The following AUTS2 variants were observed in gnomAD, a reference collection of about 807,000 sequenced individuals.
AUTS2 encodes the protein autism susceptibility gene 2 protein.
Under a neutral mutation model 112.4 loss-of-function variants are expected in AUTS2, and 17 were observed. That is an observed-to-expected ratio of 0.15 (90% CI 0.10 to 0.23). AUTS2 has a LOEUF of 0.23. Ranked by LOEUF, AUTS2 falls within the 10% of genes least tolerant of loss-of-function variation. The pLI, the probability that AUTS2 is intolerant of heterozygous loss-of-function variation, is 1.00. For missense variants in AUTS2, 1,510 were observed against 1,701.6 expected (o/e 0.89, Z 1.98); for synonymous variants, 751 against 702.7 (o/e 1.07, Z -1.09).
In AUTS2 at chr7:70,766,191, C is replaced by T. The variant is rs1445762479; in HGVS notation, c.1546C>T (p.Pro516Ser). Residue 516 changes from proline to serine, a missense_variant, in exon 9 of 19, where the codon CCT (proline) becomes TCT (serine). Physicochemically the swap from Pro to Ser is moderately conservative, Grantham distance 74 (BLOSUM62 -1). Coordinates refer to ENST00000342771, the MANE Select transcript of AUTS2 (RefSeq NM_015570.4). This position sits in a 1 kb window ranked among gnomAD's most constrained non-coding sequence, Gnocchi z 4.8. ...TGCTGACCGCGGGGCTTCCCTGGGC[C>T]CTCCGCCCTACCTGCGGACCGAGTT... ...QSADRGASLG[P>S]PPYLRTEFHQ... The T allele has an allele frequency of 9.9e-6, 16 of 1,614,060 alleles. No homozygotes were observed. The highest frequency in any genetic ancestry group is 1.4e-5 in the Non-Finnish European group (16 of 1,180,032).
At chr7:70,460,943 T>C (rs555531663) in intron 5 of AUTS2, among the ~76,000 whole-genome samples, 9 of 151,976 alleles carry the variant, frequency 5.9e-5, no homozygotes, top group Non-Finnish European at 1.2e-4. Context: ...AACTGGGGGA[T>C]TGGGAGACCT....
intron 1 of AUTS2, among the ~76,000 whole-genome samples, chr7:69,856,947 C>T (rs1792755907): frequency 6.6e-6 from 1 of 152,150 alleles, no homozygotes; most frequent in Non-Finnish European, 1.5e-5. Context: ...TTGTATTCTT[C>T]TAGGAACTAC....
At chr7:69,761,032 TATTC>T (rs1468516550) in intron 1 of AUTS2, among the ~76,000 whole-genome samples, 1 of 152,188 alleles carries the variant, frequency 6.6e-6, no homozygotes, top group Non-Finnish European at 1.5e-5. Context: ...GCTAACTTCT[TATTC>T]AGTCATGGCC....
At chr7:69,775,463 G>A (rs1262413621) in intron 1 of AUTS2, among the ~76,000 whole-genome samples, 1 of 152,142 alleles carries the variant, frequency 6.6e-6, no homozygotes, top group East Asian at 1.9e-4. Context: ...TGTCAAGGAA[G>A]CCCAGGGACT....
chr7:69,802,040 G>T (rs1790110001), intron 1 of AUTS2, among the ~76,000 whole-genome samples: 1 of 152,154 alleles, frequency 6.6e-6, no homozygotes, highest in African/African-American at 2.4e-5. Flanking sequence ...GTAGGACAGT[G>T]TGCATAGCTC....
At position 70,267,872 on chromosome 7, in the gene AUTS2, C is replaced by A. The variant is rs559849957; in HGVS notation, c.660+133301C>A. On this transcript the variant is annotated intron_variant, in intron 4 of 18. Transcript: ENST00000342771. Reference sequence around the variant, plus strand: ...ACTAGGCAGGGATTGCTTTTCCCCCCCTACACTTGCAACATGCAGACTGTG... The same window carrying A: ...ACTAGGCAGGGATTGCTTTTCCCCCACTACACTTGCAACATGCAGACTGTG... 2.0e-5 allele frequency among the ~76,000 whole-genome samples: 3 copies of A among 152,284 alleles called. No individual in the cohort carries two copies. In the South Asian group the frequency reaches 6.2e-4, roughly 32 times the overall value.
intron 5 of AUTS2, among the ~76,000 whole-genome samples, chr7:70,503,209 A>G (rs1798833742): frequency 6.6e-6 from 1 of 152,134 alleles, no homozygotes; most frequent in South Asian, 2.1e-4. Flanking sequence ...TGTCCCCAAA[A>G]GAGGCACCTG....
intron 2 of AUTS2, among the ~76,000 whole-genome samples, chr7:69,941,793 G>C (rs1796636472): frequency 6.6e-6 from 1 of 152,124 alleles, no homozygotes; most frequent in South Asian, 2.1e-4. Context: ...GGGAAGTGAA[G>C]ATCTTCTGCA....
chr7:69,599,871 C>A lies in AUTS2; in HGVS notation c.218C>A (p.Pro73Gln), dbSNP rs1434926858. ...TCCGCCCCGTCCCGGCCCAGACCCC[C>A]GCGGAGGAAGCGGAGAGAGTCCACC... ...PSSAPSRPRP[P>Q]RRKRRESTSA... The change falls in exon 1 of 19, where the codon CCG (proline) becomes CAG (glutamine). Residue 73 changes from proline to glutamine, a missense_variant. Physicochemically the swap from Pro to Gln is moderately conservative, Grantham distance 76 (BLOSUM62 -1). Around this residue, in one of 3 missense-constraint regions of AUTS2, gnomAD observed 535 missense variants for 594.3 expected, o/e 0.90. Transcript: ENST00000342771. This position sits in a 1 kb window ranked among gnomAD's most constrained non-coding sequence, Gnocchi z 7.0. 1.2e-6 allele frequency: 2 copies of A among 1,613,306 alleles called. No individual in the cohort carries two copies. The highest frequency in any genetic ancestry group is 1.1e-5 in the South Asian group (1 of 91,072).
At chr7:70,042,544 G>C (rs1343432988) in intron 2 of AUTS2, among the ~76,000 whole-genome samples, 1 of 152,136 alleles carries the variant, frequency 6.6e-6, no homozygotes, top group Non-Finnish European at 1.5e-5. Context: ...CTGAAAAAAA[G>C]TAAAGCAAGT....
At chr7:69,840,517 A>G (rs556247121) in intron 1 of AUTS2, among the ~76,000 whole-genome samples, 1 of 152,290 alleles carries the variant, frequency 6.6e-6, no homozygotes, top group South Asian at 2.1e-4. Flanking sequence ...AGTGTAATAT[A>G]TGTGTGGGTG....
chr7:69,754,773 G>A (rs991004474), intron 1 of AUTS2, among the ~76,000 whole-genome samples: 5 of 152,092 alleles, frequency 3.3e-5, no homozygotes, highest in African/African-American at 7.2e-5. Flanking sequence ...AGCAACAAGC[G>A]GAAGGTGTTA....
chr7:70,733,992 T>C (rs1787618066), intron 6 of AUTS2, among the ~76,000 whole-genome samples: 1 of 152,188 alleles, frequency 6.6e-6, no homozygotes. Context: ...CTACAGTCTC[T>C]TGGTGGCTGA....
At chr7:70,757,154 G>A (rs530899876) in intron 6 of AUTS2, among the ~76,000 whole-genome samples, 1 of 152,168 alleles carries the variant, frequency 6.6e-6, no homozygotes, top group Non-Finnish European at 1.5e-5. Flanking sequence ...AAGCAATTTT[G>A]TGGGGGAAGC....
intron 4 of AUTS2, among the ~76,000 whole-genome samples, chr7:70,311,332 A>T (rs1429599304): frequency 6.6e-6 from 1 of 152,230 alleles, no homozygotes; most frequent in African/African-American, 2.4e-5. Flanking sequence ...CAGTTTTGCC[A>T]TTATTATTAA....
At chr7:69,696,211 T>G (rs1278440000) in intron 1 of AUTS2, among the ~76,000 whole-genome samples, 1 of 152,162 alleles carries the variant, frequency 6.6e-6, no homozygotes, top group African/African-American at 2.4e-5. Context: ...AGCAGCTGCA[T>G]AGGCTCAAGA....
Position 70,698,232 on chromosome 7 carries a change from C to G in AUTS2, c.691-337C>G, listed in dbSNP as rs1809237579. Among the ~76,000 whole-genome samples the G allele has an allele frequency of 3.3e-5, 5 of 152,302 alleles. No homozygotes were observed. In the South Asian group the frequency reaches 1.0e-3, roughly 32 times the overall value. On this transcript the variant is annotated intron_variant, in intron 5 of 18. Coordinates refer to ENST00000342771, the MANE Select transcript of AUTS2 (RefSeq NM_015570.4). ...AAATACCACGAAAAACATAACATTT[C>G]CAAAATAATGATCTGTCAACGAAAT... is the stretch of plus-strand genomic sequence containing the variant.
intron 2 of AUTS2, among the ~76,000 whole-genome samples, chr7:69,910,437 C>T (rs533686191): frequency 8.5e-5 from 13 of 152,078 alleles, no homozygotes; most frequent in Admixed American, 4.6e-4. Flanking sequence ...TTCTTTTCCA[C>T]GCTGCCAATA....
chr7:69,859,094 T>G (rs569975238), intron 1 of AUTS2, among the ~76,000 whole-genome samples: 75 of 152,322 alleles, frequency 4.9e-4, no homozygotes, highest in African/African-American at 1.7e-3. Context: ...AGGACAGTCA[T>G]TGTACCAACA....
Sources: allele counts gnomAD v4.1 joint callset (sites outside exome capture counted in the v4.1 genomes callset), GRCh38; gene constraint gnomAD v4.1.1; regional missense constraint gnomAD v4.1.1; non-coding constraint Gnocchi (gnomAD v3.1); transcripts MANE v1.5; gene names NCBI Gene and HGNC (gene_info 2026-07-23, HGNC 2026-07-21).